SMARCC1: variants seen among roughly 807,000 people sequenced by gnomAD.
SMARCC1 encodes the protein SWI/SNF related BAF chromatin remodeling complex subunit C1.
Under a neutral mutation model 147.4 loss-of-function variants are expected in SMARCC1, and 43 were observed. The ratio of observed to expected loss-of-function variants is 0.29; its 90% CI spans 0.23 to 0.38. The LOEUF is 0.38. SMARCC1 is among the 10% of genes least tolerant of loss of function. The probability of loss-of-function intolerance (pLI) is 1.00; values close to 1 mark genes in which losing one functional copy is unlikely to be tolerated. For missense variants in SMARCC1, 1,119 were observed against 1,381.1 expected (o/e 0.81, Z 3.01); for synonymous variants, 495 against 484.4 (o/e 1.02, Z -0.29).
chr3:47,704,165 G>C (rs2033962168), intron 10 of SMARCC1, among the ~76,000 whole-genome samples: 1 of 152,078 alleles, frequency 6.6e-6, no homozygotes, highest in East Asian at 1.9e-4. Flanking sequence ...CAGGCAACTT[G>C]AAAGACAAGT....
rs141924780 is a variant in SMARCC1 at position 47,593,838 on chromosome 3, G to A, written c.3044-3001C>T. ...GAGAGGAGCCCCTTACTTCAGGGGT[G>A]TCAATGAAGAGAACTACAATGAGGT... On this transcript the variant is annotated intron_variant, in intron 26 of 27. Transcript: ENST00000254480. Among the ~76,000 whole-genome samples the A allele has an allele frequency of 3.1e-3, 471 of 152,248 alleles. 1 individual carries two copies. The highest frequency in any genetic ancestry group is 4.5e-3 in the Non-Finnish European group (305 of 68,006).
At chr3:47,696,800 G>A (rs368785220) in intron 11 of SMARCC1, among the ~76,000 whole-genome samples, 100 of 152,288 alleles carry the variant, frequency 6.6e-4, no homozygotes, top group African/African-American at 2.3e-3. Context: ...TGGGATTACA[G>A]GCATGAGCCA....
intron 21 of SMARCC1, among the ~76,000 whole-genome samples, chr3:47,650,413 C>T (rs1160024467): frequency 6.6e-6 from 1 of 151,464 alleles, no homozygotes; most frequent in East Asian, 1.9e-4. Context: ...CTGTGCTATC[C>T]TATCAATGTT....
In SMARCC1 at chr3:47,625,433, C is replaced by G. The variant is rs186798440; in HGVS notation, c.2647-3092G>C. Among the ~76,000 whole-genome samples the G allele has an allele frequency of 1.4e-3, 206 of 152,252 alleles. 1 individual carries two copies. The highest frequency in any genetic ancestry group is 4.7e-3 in the African/African-American group (194 of 41,554). The stretch of plus-strand genomic sequence containing the variant: ...TATTTTTGGTAGAAACAGGGTTTTG[C>G]CAGGTTGCCCAGTCTAGTCTCAAAC... On this transcript the variant is annotated intron_variant, in intron 24 of 27. Coordinates refer to ENST00000254480, the MANE Select transcript of SMARCC1 (RefSeq NM_003074.4).
intron 1 of SMARCC1, among the ~76,000 whole-genome samples, chr3:47,775,164 C>CT (rs756039956): frequency 0.019 from 2,571 of 138,734 alleles, 71 homozygotes; most frequent in African/African-American, 0.05. Flanking sequence ...CAACATAGTA[C>CT]TTTTTTTTTT....
intron 21 of SMARCC1, among the ~76,000 whole-genome samples, chr3:47,652,812 G>A (rs2033206436): frequency 6.6e-6 from 1 of 152,100 alleles, no homozygotes; most frequent in Admixed American, 6.6e-5. Context: ...AGTTCTTGGT[G>A]AGTGACCATA....
At chr3:47,682,426 G>A (rs2033664832) in intron 14 of SMARCC1, among the ~76,000 whole-genome samples, 1 of 152,132 alleles carries the variant, frequency 6.6e-6, no homozygotes, top group African/African-American at 2.4e-5. Context: ...CTACAGGCAT[G>A]TGCCATCACG....
At chr3:47,649,869 G>C (rs1321363992) in intron 21 of SMARCC1, among the ~76,000 whole-genome samples, 2 of 152,142 alleles carry the variant, frequency 1.3e-5, no homozygotes, top group Non-Finnish European at 2.9e-5. Context: ...GTCCCAAAAA[G>C]GGACTAAAAT....
At chr3:47,669,391 CA>C (rs2033467024) in intron 19 of SMARCC1, among the ~76,000 whole-genome samples, 1 of 152,038 alleles carries the variant, frequency 6.6e-6, no homozygotes, top group Non-Finnish European at 1.5e-5. Context: ...CTCCAGAGCC[CA>C]AAGATTCCAA....
rs1479069655 is a variant in SMARCC1, at chr3:47,622,334, G to T, written c.2654C>A (p.Ala885Asp). Residue 885 changes from alanine to aspartate, a missense_variant, in exon 25 of 28, where the codon GCT (alanine) becomes GAT (aspartate). This residue lies in a region of SMARCC1 where 42 missense variants were observed against 89.4 expected (regional missense o/e 0.47). Coordinates refer to ENST00000254480, the MANE Select transcript of SMARCC1 (RefSeq NM_003074.4). ...ASAATKAKHL[A>D]AVEERKIKSL... Reference sequence around the variant, plus strand: ...CTTGATCTTTCTTTCTTCCACTGCAGCCAGGTGCTAAGGGTACAAGATCAT... The same window carrying T: ...CTTGATCTTTCTTTCTTCCACTGCATCCAGGTGCTAAGGGTACAAGATCAT... The T allele has an allele frequency of 6.2e-7, 1 of 1,613,500 alleles. No individual in the cohort carries two copies. Among genetic ancestry groups the T allele is most frequent in the Non-Finnish European group, 8.5e-7 (1 of 1,179,778 alleles).
intron 25 of SMARCC1, among the ~76,000 whole-genome samples, chr3:47,619,382 A>G (rs2032694051): frequency 6.6e-6 from 1 of 152,180 alleles, no homozygotes; most frequent in South Asian, 2.1e-4. Context: ...CTGCCCTCAA[A>G]AAGTATATAC....
At chr3:47,689,552 A>G (rs1188491398) in intron 12 of SMARCC1, 128 bp from the exon 13 acceptor site, 2 of 732,222 alleles carry the variant, frequency 2.7e-6, no homozygotes, top group Non-Finnish European at 4.9e-6. Context: ...TATTAAAGCA[A>G]AATCACTCTG....
chr3:47,689,555 T>G (rs1553683862), intron 12 of SMARCC1, 131 bp from the exon 13 acceptor site: 2 of 713,272 alleles, frequency 2.8e-6, no homozygotes, highest in Non-Finnish European at 5.0e-6. Context: ...TAAAGCAAAA[T>G]CACTCTGAAT....
At chr3:47,747,222 A>G (rs1268898204) in intron 2 of SMARCC1, among the ~76,000 whole-genome samples, 2 of 151,706 alleles carry the variant, frequency 1.3e-5, no homozygotes, top group African/African-American at 4.8e-5. Flanking sequence ...TGGCTTGAGC[A>G]CAGGAGTTCA....
At chr3:47,733,993 G>T (rs1438847652) in intron 5 of SMARCC1, among the ~76,000 whole-genome samples, 1 of 150,428 alleles carries the variant, frequency 6.6e-6, no homozygotes, top group South Asian at 2.1e-4. Flanking sequence ...ATATACATAT[G>T]TATGTATATC....
intron 22 of SMARCC1, among the ~76,000 whole-genome samples, chr3:47,638,194 G>A (rs1001776241): frequency 6.6e-6 from 1 of 152,096 alleles, no homozygotes; most frequent in East Asian, 1.9e-4. Context: ...CCGGGTTCAC[G>A]CCATTCTCCT....
chr3:47,676,540 T>C, intron 17 of SMARCC1, 89 bp downstream of exon 17: 3 of 915,430 alleles, frequency 3.3e-6, no homozygotes, highest in Non-Finnish European at 3.4e-6. Flanking sequence ...AATAGCATTA[T>C]AGTATAATAA....
At chr3:47,613,941 C>G (rs2032602167) in intron 25 of SMARCC1, among the ~76,000 whole-genome samples, 1 of 149,102 alleles carries the variant, frequency 6.7e-6, no homozygotes, top group African/African-American at 2.5e-5. Context: ...CTGAAGTTCA[C>G]ACAAAGCTCT....
intron 13 of SMARCC1, among the ~76,000 whole-genome samples, chr3:47,688,656 A>G (rs1257110459): frequency 1.3e-5 from 2 of 152,200 alleles, no homozygotes; most frequent in African/African-American, 2.4e-5. Context: ...ATAAAGCAGG[A>G]AGTAGCTCGC....
Sources: gnomAD v4.1 joint callset for allele counts (sites outside exome capture counted in the v4.1 genomes callset) on GRCh38, gnomAD v4.1.1 for gene constraint, gnomAD v4.1.1 regional missense constraint, MANE v1.5 for transcripts, NCBI Gene and HGNC (gene_info 2026-07-23, HGNC 2026-07-21) for gene names.